FUT9: variants seen among roughly 807,000 people sequenced by gnomAD.
FUT9 encodes the protein 4-galactosyl-N-acetylglucosaminide 3-alpha-L-fucosyltransferase 9.
Under a neutral mutation model 29.7 loss-of-function variants are expected in FUT9, and 15 were observed. The ratio of observed to expected loss-of-function variants is 0.51; its 90% CI spans 0.34 to 0.78. The LOEUF (loss-of-function observed/expected upper bound fraction) is 0.78. FUT9 is among the 30% of genes least tolerant of loss of function. The pLI is 0.01. For synonymous variants in FUT9, 169 were observed against 153.7 expected (o/e 1.10, Z -0.74); for missense variants, 319 against 425.4 (o/e 0.75, Z 2.20).
chr6:96,047,002 A>G (rs552757018), intron 1 of FUT9, among the ~76,000 whole-genome samples: 3 of 152,188 alleles, frequency 2.0e-5, no homozygotes, highest in Non-Finnish European at 4.4e-5. Context: ...CTGAAACTGT[A>G]CACTTTCTCC....
rs143717780 is a variant in FUT9, at chr6:96,157,932, C to T, written c.-9+43805C>T. On this transcript the variant is annotated intron_variant, in intron 2 of 2. Coordinates refer to ENST00000302103, the MANE Select transcript of FUT9 (RefSeq NM_006581.4). ...GAATACATTTGTAAAAATGTGATTT[C>T]TCTAGCTCCTTATTTTTTCTCTAAC... is the stretch of plus-strand genomic sequence containing the variant. 3.2e-3 allele frequency among the ~76,000 whole-genome samples: 492 copies of T among 152,158 alleles called. 2 individuals carry two copies. Among genetic ancestry groups the T allele is most frequent in the African/African-American group, 0.011 (467 of 41,538 alleles).
chr6:96,078,360 C>T (rs1021846081), intron 1 of FUT9, among the ~76,000 whole-genome samples: 1 of 147,554 alleles, frequency 6.8e-6, no homozygotes, highest in Admixed American at 6.9e-5. Context: ...CTCTTATGAA[C>T]CTTCTTACAG....
rs747282714 is a variant in FUT9, at chr6:96,204,243, C to T, written c.*8C>T. 2.8e-6 allele frequency: 4 copies of T among 1,431,946 alleles called. No homozygotes were observed. The highest frequency in any genetic ancestry group is 1.4e-5 in the African/African-American group (1 of 70,426). 88.7% of individuals were successfully genotyped at this position (1,431,946 alleles called of 1,614,324 possible). ...AAATGGTTTTGGAATTAAAATTTTT[C>T]ATCACTTGCACACTTGATAAATATT... is the stretch of plus-strand genomic sequence containing the variant. On this transcript the variant is annotated 3_prime_UTR_variant, in exon 3 of 3. Coordinates refer to ENST00000302103, the MANE Select transcript of FUT9 (RefSeq NM_006581.4).
chr6:96,151,469 G>A (rs1353140136), intron 2 of FUT9, among the ~76,000 whole-genome samples: 1 of 152,166 alleles, frequency 6.6e-6, no homozygotes, highest in Non-Finnish European at 1.5e-5. Flanking sequence ...CAGGCCAAAT[G>A]CAGACATACT....
chr6:96,120,874 G>C (rs529275134), intron 2 of FUT9, among the ~76,000 whole-genome samples: 2 of 152,070 alleles, frequency 1.3e-5, no homozygotes, highest in Admixed American at 1.3e-4. Flanking sequence ...AGGAGAAGTA[G>C]ATGGAGTATA....
At position 96,205,052 on chromosome 6, in the gene FUT9, C is replaced by T. The variant is rs1464645940; in HGVS notation, c.*817C>T. On this transcript the variant is annotated 3_prime_UTR_variant, in exon 3 of 3. Transcript: ENST00000302103. ...TAAAACAAATAATTTCCTCAAATAA[C>T]AAAGAAAAATGATACCTATAAATAT... is the stretch of plus-strand genomic sequence containing the variant. 1 of 166,198 alleles carries T rather than the reference C, an allele frequency of 6.0e-6. No individual in the cohort carries two copies. Among genetic ancestry groups the T allele is most frequent in the Non-Finnish European group, 1.5e-5 (1 of 68,010 alleles). The allele number at this position is 166,198 out of a possible 1,614,324, so 10.3% of individuals were successfully genotyped here.
intron 2 of FUT9, among the ~76,000 whole-genome samples, chr6:96,193,598 G>C (rs989859048): frequency 3.3e-5 from 5 of 152,062 alleles, no homozygotes; most frequent in African/African-American, 1.2e-4. Flanking sequence ...CTTTTACACT[G>C]TTGGTGGGAC....
chr6:96,077,527 C>T lies in FUT9; in HGVS notation c.-97-36512C>T, dbSNP rs146866611. ...TATCTGGTAATCTATCGGCTTCTTC[C>T]CCCTCCTCTCACCTTGTAAAATCTC... On this transcript the variant is annotated intron_variant, in intron 1 of 2. Coordinates refer to ENST00000302103, the MANE Select transcript of FUT9 (RefSeq NM_006581.4). Among the ~76,000 whole-genome samples the T allele has an allele frequency of 8.6e-4, 131 of 152,006 alleles. 1 individual carries two copies. The highest frequency in any genetic ancestry group is 3.0e-3 in the African/African-American group (126 of 41,438).
chr6:96,157,335 A>G (rs1772804314), intron 2 of FUT9, among the ~76,000 whole-genome samples: 1 of 152,332 alleles, frequency 6.6e-6, no homozygotes, highest in Admixed American at 6.5e-5. Flanking sequence ...AATATGTTAA[A>G]TAAGTATTAA....
In FUT9 at chr6:96,198,665, T is replaced by C. The variant is rs1472916821; in HGVS notation, c.-8-4483T>C. On this transcript the variant is annotated intron_variant, in intron 2 of 2. Coordinates refer to ENST00000302103, the MANE Select transcript of FUT9 (RefSeq NM_006581.4). ...CGATGGCTGGGTCAAATGGTATTTC[T>C]AGTTCCAGATCCCTGAGGAATCGCC... Among the ~76,000 whole-genome samples, 5 of 152,222 alleles carry C rather than the reference T, an allele frequency of 3.3e-5. No homozygotes were observed. The East Asian group carries it at 5.8e-4, about 18-fold the overall frequency.
At chr6:96,079,106 A>C (rs1471138105) in intron 1 of FUT9, among the ~76,000 whole-genome samples, 1 of 152,118 alleles carries the variant, frequency 6.6e-6, no homozygotes, top group Non-Finnish European at 1.5e-5. Context: ...GCCCATGTTC[A>C]GAGGCACCAT....
intron 1 of FUT9, among the ~76,000 whole-genome samples, chr6:96,029,258 GAC>G (rs1770220160): frequency 6.6e-6 from 1 of 151,544 alleles, no homozygotes; most frequent in Non-Finnish European, 1.5e-5. Context: ...AAGACTGACT[GAC>G]AGTTTAGAAA....
At chr6:96,178,379 T>C (rs1022423557) in intron 2 of FUT9, among the ~76,000 whole-genome samples, 1 of 152,182 alleles carries the variant, frequency 6.6e-6, no homozygotes, top group Non-Finnish European at 1.5e-5. Flanking sequence ...AGCTAATATA[T>C]GTGGTTTGTC....
At chr6:96,066,035 A>G (rs1770956248) in intron 1 of FUT9, among the ~76,000 whole-genome samples, 1 of 152,126 alleles carries the variant, frequency 6.6e-6, no homozygotes, top group Non-Finnish European at 1.5e-5. Context: ...TATGATTTAG[A>G]TGCTGTCATT....
intron 2 of FUT9, among the ~76,000 whole-genome samples, chr6:96,193,509 T>A (rs1480957528): frequency 1.3e-5 from 2 of 151,236 alleles, no homozygotes; most frequent in Non-Finnish European, 2.9e-5. Flanking sequence ...TGAGATACCA[T>A]CTCACACCAG....
At chr6:96,115,195 T>A (rs1001635922) in intron 2 of FUT9, among the ~76,000 whole-genome samples, 8 of 152,330 alleles carry the variant, frequency 5.3e-5, no homozygotes, top group Admixed American at 5.2e-4. Context: ...TTATTTAAAT[T>A]TTTCTCATGG....
chr6:96,210,807 T>C lies in FUT9; in HGVS notation c.*6572T>C, dbSNP rs1376147271. ...TGAGATATGGCAAAGAATTGTAGCATCCAAATTTTTGACAACTACAGATTT... is the reference window on the plus strand; with the variant it reads ...TGAGATATGGCAAAGAATTGTAGCACCCAAATTTTTGACAACTACAGATTT... On this transcript the variant is annotated 3_prime_UTR_variant, in exon 3 of 3. Transcript: ENST00000302103. 6.0e-6 allele frequency: 1 copy of C among 166,848 alleles called. No homozygotes were observed. Among genetic ancestry groups the C allele is most frequent in the Non-Finnish European group, 1.5e-5 (1 of 68,012 alleles). 10.3% of individuals were successfully genotyped at this position (166,848 alleles called of 1,614,324 possible).
intron 2 of FUT9, among the ~76,000 whole-genome samples, chr6:96,199,670 T>C (rs910918592): frequency 6.6e-6 from 1 of 152,164 alleles, no homozygotes; most frequent in Non-Finnish European, 1.5e-5. Flanking sequence ...AATAGCCATA[T>C]GCCAATTTTA....
intron 1 of FUT9, among the ~76,000 whole-genome samples, chr6:96,022,929 T>C (rs1770100315): frequency 6.6e-6 from 1 of 151,838 alleles, no homozygotes; most frequent in Non-Finnish European, 1.5e-5. Context: ...CTCCTGTGAA[T>C]GGAAGCTGCT....
Sources: allele counts gnomAD v4.1 joint callset (sites outside exome capture counted in the v4.1 genomes callset), GRCh38; gene constraint gnomAD v4.1.1; transcripts MANE v1.5; gene names NCBI Gene and HGNC (gene_info 2026-07-23, HGNC 2026-07-21).